The following SPEN variants were observed in gnomAD, a reference collection of about 807,000 sequenced individuals.
SPEN encodes msx2-interacting protein.
SPEN carries 18 observed loss-of-function variants against 269.9 expected under a neutral mutation model. The observed-to-expected ratio is 0.07, with a 90% CI of 0.05 to 0.10. SPEN has a LOEUF of 0.10. SPEN is among the 10% of genes least tolerant of loss of function. The pLI is 1.00. For synonymous variants in SPEN, 1,726 were observed against 1,765.7 expected (o/e 0.98, Z 0.56); for missense variants, 3,822 against 4,631.2 (o/e 0.83, Z 5.07).
At position 15,895,708 on chromosome 1, in the gene SPEN, T is replaced by G. The variant is rs568031740; in HGVS notation, c.882-13613T>G. Among the ~76,000 whole-genome samples the G allele has an allele frequency of 6.6e-3, 904 of 137,098 alleles. 7 individuals carry two copies. The highest frequency in any genetic ancestry group is 0.024 in the Middle Eastern group (6 of 250). The allele number at this position is 137,098 out of a possible 152,430, so 89.9% of individuals were successfully genotyped here. A position where few individuals can be genotyped will look rare whatever the true frequency, so the allele number is the denominator to read the frequency against. On this transcript the variant is annotated intron_variant, in intron 3 of 14. Transcript: ENST00000375759. Reference sequence around the variant, plus strand: ...TTTTTTTTTTTTTTTGGAGACAGAATATCACTCTGTTGCCCAGGGTGGAGT... The same window carrying G: ...TTTTTTTTTTTTTTTGGAGACAGAAGATCACTCTGTTGCCCAGGGTGGAGT...
At chr1:15,913,974 C>T (rs149257385) in intron 5 of SPEN, among the ~76,000 whole-genome samples, 27 of 152,256 alleles carry the variant, frequency 1.8e-4, no homozygotes, top group African/African-American at 4.6e-4. Flanking sequence ...TTCTGCCTTT[C>T]GGAGCACAAA....
At position 15,937,205 on chromosome 1, in the gene SPEN, G is replaced by T. The variant is rs1162919224; in HGVS notation, c.10069G>T (p.Val3357Leu). The T allele has an allele frequency of 2.5e-6, 4 of 1,613,374 alleles. No homozygotes were observed. Among genetic ancestry groups the T allele is most frequent in the Non-Finnish European group, 3.4e-6 (4 of 1,179,940 alleles). ...TGAGCCCCTGCAGCCTCCTCAGCCT[G>T]TGCAGTCCACACAGCCTGCCCAGCC... ...EGEPLQPPQP[V>L]QSTQPAQPAP... is the part of the protein sequence containing the mutation. Residue 3357 changes from valine (V) to leucine (L), a missense_variant, in exon 12 of 15, where the codon GTG (valine) becomes TTG (leucine). This residue lies in a region of SPEN where 359 missense variants were observed against 377.3 expected (regional missense o/e 0.95). Transcript: ENST00000375759. The surrounding 1 kb of genome is among the most constrained non-coding windows in gnomAD (Gnocchi z 5.7).
chr1:15,868,839 T>C (rs2070544352), intron 1 of SPEN, among the ~76,000 whole-genome samples: 2 of 152,216 alleles, frequency 1.3e-5, no homozygotes, highest in South Asian at 4.1e-4. Flanking sequence ...TTTAATTTAT[T>C]TTAACTGACA....
chr1:15,853,528 C>G (rs981277452), intron 1 of SPEN, among the ~76,000 whole-genome samples: 1 of 151,940 alleles, frequency 6.6e-6, no homozygotes, highest in African/African-American at 2.4e-5. Context: ...GAGTCTTGCT[C>G]TGTCACCCAG....
Position 15,848,174 on chromosome 1 carries a change from C to G in SPEN, c.83+24C>G. On this transcript the variant is annotated intron_variant, in intron 1 of 14. Transcript: ENST00000375759. The surrounding 1 kb of genome is among the most constrained non-coding windows in gnomAD (Gnocchi z 5.1). Reference sequence around the variant, plus strand: ...CGGTGAGTGACACGAGGCCCGCGGCCGCGCTCGCTCCTCGGGCGCCGCTTC... The same window carrying G: ...CGGTGAGTGACACGAGGCCCGCGGCGGCGCTCGCTCCTCGGGCGCCGCTTC... 5.6e-6 allele frequency: 8 copies of G among 1,427,978 alleles called. No individual in the cohort carries two copies. Among genetic ancestry groups the G allele is most frequent in the Non-Finnish European group, 7.5e-6 (8 of 1,071,550 alleles). The allele number at this position is 1,427,978 out of a possible 1,614,324, so 88.5% of individuals were successfully genotyped here. A position where few individuals can be genotyped will look rare whatever the true frequency, so the allele number is the denominator to read the frequency against.
intron 5 of SPEN, among the ~76,000 whole-genome samples, chr1:15,915,356 G>A (rs2071048334): frequency 1.3e-5 from 2 of 152,040 alleles, no homozygotes; most frequent in South Asian, 2.1e-4. Context: ...AGGCATGGTG[G>A]CATGCACTGG....
Position 15,928,263 on chromosome 1 carries a change from G to A in SPEN, c.2023G>A (p.Asp675Asn), listed in dbSNP as rs758419650. Reference sequence around the variant, plus strand: ...AGACTACTATGAATCACGATACTACGATGATCCTCGGGAATACAGGGATTA... The same window carrying A: ...AGACTACTATGAATCACGATACTACAATGATCCTCGGGAATACAGGGATTA... Reference protein sequence around the residue: ...QGDYYESRYYDDPREYRDYRN... With the variant: ...QGDYYESRYYNDPREYRDYRN... The change falls in exon 11 of 15, where the codon GAT (aspartate) becomes AAT (asparagine). Residue 675 changes from aspartate (D) to asparagine (N), a missense_variant. Transcript: ENST00000375759. This position sits in a 1 kb window ranked among gnomAD's most constrained non-coding sequence, Gnocchi z 5.7. The A allele has an allele frequency of 3.1e-6, 5 of 1,614,016 alleles. No individual in the cohort carries two copies. Among genetic ancestry groups the A allele is most frequent in the South Asian group, 2.2e-5 (2 of 91,084 alleles).
chr1:15,874,225 G>A, intron 2 of SPEN: 3 of 1,366,506 alleles, frequency 2.2e-6, no homozygotes, highest in East Asian at 4.5e-5. Context: ...ATTTTGTCTG[G>A]TCACTAAGAT....
intron 1 of SPEN, among the ~76,000 whole-genome samples, chr1:15,862,615 T>A (rs2070459032): frequency 1.3e-5 from 2 of 152,246 alleles, no homozygotes; most frequent in Non-Finnish European, 2.9e-5. Flanking sequence ...GTTTGTCAGT[T>A]GAACACTGTC....
At chr1:15,911,046 T>TTTAG in intron 4 of SPEN, 55 bp from the exon 5 acceptor site, 2 of 1,427,076 alleles carry the variant, frequency 1.4e-6, no homozygotes, top group Non-Finnish European at 1.9e-6. Flanking sequence ...AGGTTGCTTA[T>TTTAG]TTAGTTATAA....
intron 1 of SPEN, among the ~76,000 whole-genome samples, chr1:15,852,027 T>G (rs1265222962): frequency 6.6e-6 from 1 of 152,230 alleles, no homozygotes; most frequent in Non-Finnish European, 1.5e-5. Flanking sequence ...TAATTTGTTT[T>G]TGCTGATTTA....
chr1:15,917,940 T>C (rs904795259), intron 6 of SPEN: 2 of 152,250 alleles, frequency 1.3e-5, no homozygotes, highest in Non-Finnish European at 2.9e-5. Flanking sequence ...TTGATAGGTA[T>C]GACAGCCCCA....
chr1:15,931,571 A>G lies in SPEN; in HGVS notation c.5331A>G (p.Pro1777=), dbSNP rs759902198. 1.2e-6 allele frequency: 2 copies of G among 1,614,226 alleles called. No individual in the cohort carries two copies. The highest frequency in any genetic ancestry group is 2.2e-5 in the South Asian group (2 of 91,086). The change falls in exon 11 of 15, where the codon CCA becomes CCG. Residue 1777 remains proline, a synonymous_variant. Transcript: ENST00000375759. This position sits in a 1 kb window ranked among gnomAD's most constrained non-coding sequence, Gnocchi z 4.8. Reference sequence around the variant, plus strand: ...CCAATGAGCCAAAGGCCGAAAAGCCAGACGCCACTGCAGATGCTGAGCCTG... The same window carrying G: ...CCAATGAGCCAAAGGCCGAAAAGCCGGACGCCACTGCAGATGCTGAGCCTG... ...EEANEPKAEK[P]DATADAEPDA...
chr1:15,891,776 C>T (rs531959053), intron 3 of SPEN, among the ~76,000 whole-genome samples: 4 of 151,900 alleles, frequency 2.6e-5, no homozygotes, highest in South Asian at 2.1e-4. Flanking sequence ...ATGCATGAGC[C>T]GCTGTACCTG....
rs2071317612 is a variant in SPEN at position 15,939,631 on chromosome 1, C to A, written c.*204C>A. 1 of 515,110 alleles carries A rather than the reference C, an allele frequency of 1.9e-6. No homozygotes were observed. The highest frequency in any genetic ancestry group is 3.6e-5 in the East Asian group (1 of 28,016). The allele number at this position is 515,110 out of a possible 1,614,324, so 31.9% of individuals were successfully genotyped here. ...TGCTACCTTGTATGTTTACATAATG[C>A]TTTAGCCCAAGGACACATCACCAAC... is the stretch of plus-strand genomic sequence containing the variant. On this transcript the variant is annotated 3_prime_UTR_variant, in exon 15 of 15. Coordinates refer to ENST00000375759, the MANE Select transcript of SPEN (RefSeq NM_015001.3). This position sits in a 1 kb window ranked among gnomAD's most constrained non-coding sequence, Gnocchi z 4.1.
At position 15,847,923 on chromosome 1, in the gene SPEN, G is replaced by A; in HGVS notation, c.-145G>A. 1 of 340,792 alleles carries A rather than the reference G, an allele frequency of 2.9e-6. No individual in the cohort carries two copies. The highest frequency in any genetic ancestry group is 5.3e-6 in the Non-Finnish European group (1 of 189,730). The allele number at this position is 340,792 out of a possible 1,614,324, so 21.1% of individuals were successfully genotyped here. ...AGAGGGATGGTCTCTGCACGGGGGG[G>A]AGCCGGAGGAGCCGCCGCCGCTGCC... On this transcript the variant is annotated 5_prime_UTR_variant, in exon 1 of 15. Transcript: ENST00000375759.
intron 2 of SPEN, chr1:15,873,495 G>T: frequency 2.0e-6 from 2 of 1,011,128 alleles, no homozygotes; most frequent in Non-Finnish European, 2.4e-6. Flanking sequence ...TGGCTTTTGT[G>T]TTCATACTAT....
intron 1 of SPEN, among the ~76,000 whole-genome samples, chr1:15,850,855 A>G (rs556390551): frequency 2.0e-5 from 3 of 152,316 alleles, no homozygotes; most frequent in South Asian, 4.1e-4. Flanking sequence ...ACCATGCAAT[A>G]CCTATATTAA....
Position 15,939,722 on chromosome 1 carries a change from G to A in SPEN, c.*295G>A, listed in dbSNP as rs138435499. 6.6e-6 allele frequency: 2 copies of A among 300,834 alleles called. No homozygotes were observed. The highest frequency in any genetic ancestry group is 8.8e-4 in the Middle Eastern group (1 of 1,140). 18.6% of individuals were successfully genotyped at this position (300,834 alleles called of 1,614,324 possible). A position where few individuals can be genotyped will look rare whatever the true frequency, so the allele number is the denominator to read the frequency against. ...CTTTTTGGAGAAAAGGAACAGGGCA[G>A]TGGAATGAAAATTTTTTGTTTGTTT... On this transcript the variant is annotated 3_prime_UTR_variant, in exon 15 of 15. Transcript: ENST00000375759. This position sits in a 1 kb window ranked among gnomAD's most constrained non-coding sequence, Gnocchi z 4.1.
Sources: allele counts gnomAD v4.1 joint callset (sites outside exome capture counted in the v4.1 genomes callset), GRCh38; gene constraint gnomAD v4.1.1; regional missense constraint gnomAD v4.1.1; non-coding constraint Gnocchi (gnomAD v3.1); transcripts MANE v1.5; gene names NCBI Gene and HGNC (gene_info 2026-07-23, HGNC 2026-07-21).